Variants in PLCB1 observed in about 807,000 individuals in gnomAD.
The protein encoded by PLCB1 is phospholipase C beta 1.
PLCB1 carries 46 observed loss-of-function variants against 161.8 expected under a neutral mutation model. The ratio of observed to expected loss-of-function variants is 0.28; its 90% CI spans 0.22 to 0.36. The LOEUF is 0.36. Ranked by LOEUF, PLCB1 falls within the 10% of genes least tolerant of loss-of-function variation. The probability of loss-of-function intolerance (pLI) is 1.00; values close to 1 mark genes in which losing one functional copy is unlikely to be tolerated. For synonymous variants in PLCB1, 517 were observed against 503.7 expected (o/e 1.03, Z -0.35); for missense variants, 1,016 against 1,472.5 (o/e 0.69, Z 5.07).
chr20:8,541,600 G>GAAAGAAAGAAAGAAAGAAATAAAGAAAT (rs1292981718), intron 3 of PLCB1, among the ~76,000 whole-genome samples: 56 of 150,764 alleles, frequency 3.7e-4, no homozygotes, highest in Non-Finnish European at 5.9e-4. Flanking sequence ...AAGAAAGAAA[G>GAAAGAAAGAAAGAAAGAAATAAAGAAAT]AAAGAAAGGA....
rs1988530034 is a variant in PLCB1 at position 8,630,010 on chromosome 20, C to CCTT, written c.384+1579_384+1580insCTT. Among the ~76,000 whole-genome samples the CCTT allele has an allele frequency of 8.2e-5, 5 of 60,632 alleles. No individual in the cohort carries two copies. In the East Asian group the frequency reaches 1.4e-3, roughly 17 times the overall value. The allele number at this position is 60,632 out of a possible 152,430, so 39.8% of individuals were successfully genotyped here. ...TCTTTCTTTCTTTCTTTCTTTCTTTCTCTTTCTTCTTTCCTTTCTTTCCTC... is the reference window on the plus strand; with the variant it reads ...TCTTTCTTTCTTTCTTTCTTTCTTTCCTTTCTTTCTTCTTTCCTTTCTTTCCTC... On this transcript the variant is annotated intron_variant, in intron 4 of 31. Transcript: ENST00000338037.
chr20:8,133,572 C>G (rs576598677), intron 1 of PLCB1, among the ~76,000 whole-genome samples: 1 of 152,334 alleles, frequency 6.6e-6, no homozygotes, highest in South Asian at 2.1e-4. Flanking sequence ...GCGGCCCAGA[C>G]CCCAGGACTT....
At chr20:8,299,580 A>G (rs1357714355) in intron 2 of PLCB1, among the ~76,000 whole-genome samples, 1 of 152,180 alleles carries the variant, frequency 6.6e-6, no homozygotes, top group Admixed American at 6.5e-5. Flanking sequence ...TGTCTGTCTG[A>G]CATTTCCACT....
intron 3 of PLCB1, among the ~76,000 whole-genome samples, chr20:8,553,311 T>C (rs1030720135): frequency 6.6e-6 from 1 of 152,198 alleles, no homozygotes; most frequent in Non-Finnish European, 1.5e-5. Context: ...TTAGATTTGC[T>C]ATTGAAGTTT....
At chr20:8,740,221 A>G (rs1980800301) in intron 21 of PLCB1, 123 bp from the exon 22 acceptor site, 1 of 610,296 alleles carries the variant, frequency 1.6e-6, no homozygotes, top group Non-Finnish European at 2.9e-6. Context: ...TTAAAATGAA[A>G]AAAGTGATTT....
At chr20:8,394,004 T>A (rs2122443437) in intron 3 of PLCB1, among the ~76,000 whole-genome samples, 1 of 152,310 alleles carries the variant, frequency 6.6e-6, no homozygotes, top group South Asian at 2.1e-4. Flanking sequence ...ATGTTTTGAA[T>A]TTTAAAGTTT....
At chr20:8,747,686 C>T (rs925869953) in intron 23 of PLCB1, among the ~76,000 whole-genome samples, 1 of 152,106 alleles carries the variant, frequency 6.6e-6, no homozygotes, top group African/African-American at 2.4e-5. Flanking sequence ...GCAGGAGAAT[C>T]GCCTGAGTCT....
chr20:8,374,146 G>A (rs571190169), intron 3 of PLCB1, among the ~76,000 whole-genome samples: 37 of 152,068 alleles, frequency 2.4e-4, no homozygotes, highest in African/African-American at 8.0e-4. Flanking sequence ...CCCATGTGTC[G>A]AGGGAGAGAC....
rs150441781 is a variant in PLCB1 at position 8,450,279 on chromosome 20, C to A, written c.246+78829C>A. Among the ~76,000 whole-genome samples, 27 of 152,214 alleles carry A rather than the reference C, an allele frequency of 1.8e-4. No homozygotes were observed. The East Asian group carries it at 4.3e-3, about 24-fold the overall frequency. ...AATTTCACACGAAGTCTCTTTTCAT[C>A]TATTTCAATACCTGATATTTAATTT... On this transcript the variant is annotated intron_variant, in intron 3 of 31. Coordinates refer to ENST00000338037, the MANE Select transcript of PLCB1 (RefSeq NM_015192.4).
chr20:8,170,585 A>T (rs1319151749), intron 2 of PLCB1, among the ~76,000 whole-genome samples: 3 of 152,182 alleles, frequency 2.0e-5, no homozygotes, highest in Non-Finnish European at 2.9e-5. Context: ...TGTGTGCTGA[A>T]CCTTATTTGG....
chr20:8,282,184 G>A, intron 2 of PLCB1, among the ~76,000 whole-genome samples: 1 of 152,092 alleles, frequency 6.6e-6, no homozygotes. Flanking sequence ...GGGAAGATGA[G>A]GTGTATGTCA....
chr20:8,635,586 C>G (rs1988738289), intron 4 of PLCB1, among the ~76,000 whole-genome samples: 1 of 152,166 alleles, frequency 6.6e-6, no homozygotes. Flanking sequence ...TATTCCCACT[C>G]AGAGTTACTG....
chr20:8,470,047 C>T (rs1600091722), intron 3 of PLCB1, among the ~76,000 whole-genome samples: 1 of 152,034 alleles, frequency 6.6e-6, no homozygotes, highest in African/African-American at 2.4e-5. Flanking sequence ...CTTTTGTGAC[C>T]AGCTTCTTTC....
chr20:8,518,604 TCTA>T (rs1263132041), intron 3 of PLCB1, among the ~76,000 whole-genome samples: 8 of 152,132 alleles, frequency 5.3e-5, no homozygotes, highest in African/African-American at 1.9e-4. Context: ...TTATTGGGCA[TCTA>T]CTACAGCAGC....
At chr20:8,513,355 ACACT>A (rs1018128047) in intron 3 of PLCB1, among the ~76,000 whole-genome samples, 17 of 152,348 alleles carry the variant, frequency 1.1e-4, no homozygotes, top group African/African-American at 4.1e-4. Context: ...GGGCACACAC[ACACT>A]CATTCATTCA....
intron 2 of PLCB1, among the ~76,000 whole-genome samples, chr20:8,335,642 A>G (rs1449790731): frequency 1.3e-5 from 2 of 152,124 alleles, no homozygotes; most frequent in African/African-American, 2.4e-5. Context: ...TGCTCCTGCA[A>G]TGTCTTCCTT....
intron 10 of PLCB1, among the ~76,000 whole-genome samples, chr20:8,692,839 C>T (rs1990510209): frequency 6.6e-6 from 1 of 152,168 alleles, no homozygotes; most frequent in Middle Eastern, 3.4e-3. Context: ...CCTGACAGCC[C>T]CCCACCTCCA....
intron 31 of PLCB1, among the ~76,000 whole-genome samples, chr20:8,854,025 A>C (rs753502598): frequency 2.6e-5 from 4 of 152,226 alleles, no homozygotes; most frequent in Non-Finnish European, 5.9e-5. Context: ...ATGATTAATC[A>C]TGAGGCAAAA....
At chr20:8,623,264 T>C (rs1006691205) in intron 3 of PLCB1, among the ~76,000 whole-genome samples, 6 of 152,176 alleles carry the variant, frequency 3.9e-5, no homozygotes, top group Non-Finnish European at 8.8e-5. Flanking sequence ...AGCTTCTCTG[T>C]TTGTGAACCA....
Sources: allele counts gnomAD v4.1 joint callset (sites outside exome capture counted in the v4.1 genomes callset), GRCh38; gene constraint gnomAD v4.1.1; transcripts MANE v1.5; gene names NCBI Gene and HGNC (gene_info 2026-07-23, HGNC 2026-07-21).